AKT2: variants seen among roughly 807,000 people sequenced by gnomAD.
AKT2 encodes the protein AKT serine/threonine kinase 2.
A neutral mutation model predicts 58.6 loss-of-function variants in AKT2; 16 were observed. The ratio of observed to expected loss-of-function variants is 0.27; its 90% CI spans 0.18 to 0.41. The LOEUF is 0.41. AKT2 is among the 10% of genes least tolerant of loss of function. AKT2 has a pLI of 1.00. For synonymous variants in AKT2, 253 were observed against 254.0 expected (o/e 1.00, Z 0.04); for missense variants, 438 against 661.0 (o/e 0.66, Z 3.70).
rs1363922212 is a variant in AKT2 at position 40,231,805 on chromosome 19, C to T, written c.*2067G>A. The stretch of plus-strand genomic sequence containing the variant: ...AGCTGAACAGGGTTCTAACCAAACG[C>T]TCAGGAGCTCCCAGGTGACAGCAAC... On this transcript the variant is annotated 3_prime_UTR_variant, in exon 14 of 14. Coordinates refer to ENST00000392038, the MANE Select transcript of AKT2 (RefSeq NM_001626.6). 4.3e-6 allele frequency: 1 copy of T among 233,760 alleles called. No homozygotes were observed. The highest frequency in any genetic ancestry group is 8.4e-6 in the Non-Finnish European group (1 of 118,540). 14.5% of individuals were successfully genotyped at this position (233,760 alleles called of 1,614,324 possible). A position where few individuals can be genotyped will look rare whatever the true frequency, so the allele number is the denominator to read the frequency against.
At chr19:40,236,142 C>T in intron 10 of AKT2, 38 bp from the exon 11 acceptor site, 1 of 1,613,500 alleles carries the variant, frequency 6.2e-7, no homozygotes, top group Non-Finnish European at 8.5e-7. Context: ...GGCCCGTGGC[C>T]CTGAGGCTGG....
intron 4 of AKT2, among the ~76,000 whole-genome samples, chr19:40,247,321 C>A (rs1010054065): frequency 2.6e-5 from 4 of 152,218 alleles, no homozygotes; most frequent in African/African-American, 9.6e-5. Flanking sequence ...TAGCTCCAGA[C>A]ACCACCTCGC....
chr19:40,265,593 A>T, intron 1 of AKT2: 1 of 478,784 alleles, frequency 2.1e-6, no homozygotes, highest in East Asian at 3.9e-5. Flanking sequence ...GCCAGACCCC[A>T]AACTCAGGAC....
Position 40,231,473 on chromosome 19 carries a change from G to A in AKT2, c.*2399C>T, listed in dbSNP as rs1033608419. The A allele has an allele frequency of 1.2e-4, 27 of 233,222 alleles. No individual in the cohort carries two copies. Among genetic ancestry groups the A allele is most frequent in the Non-Finnish European group, 3.4e-5 (4 of 118,068 alleles). 14.4% of individuals were successfully genotyped at this position (233,222 alleles called of 1,614,324 possible). A position where few individuals can be genotyped will look rare whatever the true frequency, so the allele number is the denominator to read the frequency against. Reference sequence around the variant, plus strand: ...AACCCCAACCAAACGAGTCCTAGCTGTAGCTAACTCTGATTTCTGTAAATT... The same window carrying A: ...AACCCCAACCAAACGAGTCCTAGCTATAGCTAACTCTGATTTCTGTAAATT... On this transcript the variant is annotated 3_prime_UTR_variant, in exon 14 of 14. Coordinates refer to ENST00000392038, the MANE Select transcript of AKT2 (RefSeq NM_001626.6).
At chr19:40,269,999 T>C (rs186105590) in intron 1 of AKT2, among the ~76,000 whole-genome samples, 112 of 152,252 alleles carry the variant, frequency 7.4e-4, no homozygotes, top group African/African-American at 2.5e-3. Context: ...GCACTTCACT[T>C]CAGCAGTGCC....
chr19:40,261,905 G>GT (rs969695459), intron 2 of AKT2, among the ~76,000 whole-genome samples: 152 of 55,764 alleles, frequency 2.7e-3, no homozygotes, highest in Non-Finnish European at 4.0e-3. Flanking sequence ...TTTCATCCCC[G>GT]TTTTTTTTTT....
At chr19:40,273,675 T>C (rs1427027028) in intron 1 of AKT2, 1 of 151,930 alleles carries the variant, frequency 6.6e-6, no homozygotes, top group Non-Finnish European at 1.5e-5. Flanking sequence ...GCAGATTCCT[T>C]CTCCTCCCTG....
intron 1 of AKT2, chr19:40,282,487 G>C (rs2077440672): frequency 1.9e-6 from 1 of 516,420 alleles, no homozygotes; most frequent in Non-Finnish European, 4.0e-6. Flanking sequence ...TCTGAGGAGG[G>C]ACCAAGAAAT....
Position 40,236,076 on chromosome 19 carries a change from G to A in AKT2, c.989C>T (p.Ala330Val), listed in dbSNP as rs2145165660. The change falls in exon 11 of 14, where the codon GCC (alanine) becomes GTC (valine). Residue 330 changes from alanine (A) to valine (V), a missense_variant. This residue lies in a region of AKT2 where 46 missense variants were observed against 114.5 expected (regional missense o/e 0.40). Coordinates refer to ENST00000392038, the MANE Select transcript of AKT2 (RefSeq NM_001626.6). ...EVLEDNDYGR[A>V]VDWWGLGVVM... The stretch of plus-strand genomic sequence containing the variant: ...CACACCCAGCCCCCACCAGTCCACG[G>A]CCCGGCCATAGTCATTGTCCTCCAG... 1 of 1,614,082 alleles carries A rather than the reference G, an allele frequency of 6.2e-7. No homozygotes were observed. Among genetic ancestry groups the A allele is most frequent in the Non-Finnish European group, 8.5e-7 (1 of 1,180,014 alleles).
intron 1 of AKT2, chr19:40,274,740 G>GCGTT (rs1203434917): frequency 3.3e-6 from 1 of 299,364 alleles, no homozygotes. Context: ...GGGCTGAGGC[G>GCGTT]CGTTCGAGGC....
rs1177357038 is a variant in AKT2 at position 40,230,320 on chromosome 19, A to T, written c.*3552T>A. The T allele has an allele frequency of 3.8e-5, 8 of 209,388 alleles. No homozygotes were observed. Among genetic ancestry groups the T allele is most frequent in the South Asian group, 1.9e-4 (1 of 5,308 alleles). 13.0% of individuals were successfully genotyped at this position (209,388 alleles called of 1,614,324 possible). A position where few individuals can be genotyped will look rare whatever the true frequency, so the allele number is the denominator to read the frequency against. On this transcript the variant is annotated 3_prime_UTR_variant, in exon 14 of 14. Coordinates refer to ENST00000392038, the MANE Select transcript of AKT2 (RefSeq NM_001626.6). Reference sequence around the variant, plus strand: ...ACAAACAAAAGCACCAGCACAGTACAGATGGATAGCTAGTTTATTACAGGA... The same window carrying T: ...ACAAACAAAAGCACCAGCACAGTACTGATGGATAGCTAGTTTATTACAGGA...
rs41275750 is a variant in AKT2, at chr19:40,232,188, C to G, written c.*1684G>C. On this transcript the variant is annotated 3_prime_UTR_variant, in exon 14 of 14. Coordinates refer to ENST00000392038, the MANE Select transcript of AKT2 (RefSeq NM_001626.6). ...TCTCCAGCCTGAGCTCCTGCACACA[C>G]CCCAGCTGCCCTCACCCTGAGCTCA... 26,225 of 233,642 alleles carry G rather than the reference C, an allele frequency of 0.11. 2,315 individuals carry two copies. The highest frequency in any genetic ancestry group is 0.27 in the African/African-American group (12,429 of 45,318). 14.5% of individuals were successfully genotyped at this position (233,642 alleles called of 1,614,324 possible).
In AKT2 at chr19:40,230,491, G is replaced by A. The variant is rs1053454608; in HGVS notation, c.*3381C>T. 33 of 226,320 alleles carry A rather than the reference G, an allele frequency of 1.5e-4. No homozygotes were observed. The highest frequency in any genetic ancestry group is 7.9e-5 in the Non-Finnish European group (9 of 113,984). The allele number at this position is 226,320 out of a possible 1,614,324, so 14.0% of individuals were successfully genotyped here. A position where few individuals can be genotyped will look rare whatever the true frequency, so the allele number is the denominator to read the frequency against. On this transcript the variant is annotated 3_prime_UTR_variant, in exon 14 of 14. Coordinates refer to ENST00000392038, the MANE Select transcript of AKT2 (RefSeq NM_001626.6). The stretch of plus-strand genomic sequence containing the variant: ...GCAGCTAAAAGGGAATCGCACTGCC[G>A]CCCCCGACTCCACACAACCATCAGT...
chr19:40,235,956 G>A lies in AKT2; in HGVS notation c.1109C>T (p.Pro370Leu), dbSNP rs1204214325. 1 of 1,613,954 alleles carries A rather than the reference G, an allele frequency of 6.2e-7. No individual in the cohort carries two copies. Among genetic ancestry groups the A allele is most frequent in the East Asian group, 2.2e-5 (1 of 44,862 alleles). The change falls in exon 11 of 14, where the codon CCG (proline) becomes CTG (leucine). Residue 370 changes from proline (P) to leucine (L), a missense_variant. By Grantham distance (98) the Pro-to-Leu change is moderately conservative. Coordinates refer to ENST00000392038, the MANE Select transcript of AKT2 (RefSeq NM_001626.6). The surrounding 1 kb of genome is among the most constrained non-coding windows in gnomAD (Gnocchi z 6.3). ...ELILMEEIRF[P>L]RTLSPEAKSL... ...CTTGGCCTCGGGGCTGAGCGTGCGC[G>A]GGAAGCGGATCTCTTCCATGAGGAT...
At chr19:40,274,812 T>G in intron 1 of AKT2, 1 of 340,924 alleles carries the variant, frequency 2.9e-6, no homozygotes, top group South Asian at 2.3e-5. Context: ...TGGGGACCGC[T>G]GGGCAGGGCC....
chr19:40,255,478 T>A (rs1024525729), intron 3 of AKT2, among the ~76,000 whole-genome samples: 1 of 151,140 alleles, frequency 6.6e-6, no homozygotes, highest in Non-Finnish European at 1.5e-5. Flanking sequence ...CACCAGAGAG[T>A]GATGGCTCCA....
intron 2 of AKT2, among the ~76,000 whole-genome samples, chr19:40,257,555 A>G (rs1975625502): frequency 2.7e-5 from 4 of 150,412 alleles, no homozygotes. Flanking sequence ...ACTGTTCTTC[A>G]CCATGAATAT....
chr19:40,239,960 C>A, intron 7 of AKT2, 85 bp downstream of exon 7: 1 of 1,520,564 alleles, frequency 6.6e-7, no homozygotes. Flanking sequence ...CAAGACTGTG[C>A]TTTGTACCAG....
intron 1 of AKT2, among the ~76,000 whole-genome samples, chr19:40,265,757 T>G (rs564174667): frequency 6.6e-6 from 1 of 152,242 alleles, no homozygotes. Flanking sequence ...CCTGAGGGAA[T>G]GCGCAGAGCC....
Sources: allele counts gnomAD v4.1 joint callset (sites outside exome capture counted in the v4.1 genomes callset), GRCh38; gene constraint gnomAD v4.1.1; regional missense constraint gnomAD v4.1.1; non-coding constraint Gnocchi (gnomAD v3.1); transcripts MANE v1.5; gene names NCBI Gene and HGNC (gene_info 2026-07-23, HGNC 2026-07-21).